Variants in ANKRD11 observed in about 807,000 individuals in gnomAD.
ANKRD11 encodes the protein ankyrin repeat domain-containing protein 11.
In ANKRD11, 17 loss-of-function variants were observed where a neutral mutation model predicts 195.7. The observed-to-expected ratio is 0.09, with a 90% confidence interval of 0.06 to 0.13. The LOEUF (loss-of-function observed/expected upper bound fraction) is 0.13. ANKRD11 is among the 10% of genes least tolerant of loss of function. The pLI, the probability that ANKRD11 is intolerant of heterozygous loss-of-function variation, is 1.00. For missense variants in ANKRD11, 3,735 were observed against 3,566.1 expected, an observed-to-expected ratio of 1.05 and a Z score of -1.21; for synonymous variants, 1,953 against 1,528.1, an observed-to-expected ratio of 1.28 and a Z score of -6.49.
Position 89,281,892 on chromosome 16 carries a change from G to A in ANKRD11, c.4650C>T (p.Asn1550=), listed in dbSNP as rs771198140. 12 of 1,613,606 alleles carry A rather than the reference G, an allele frequency of 7.4e-6. No individual in the cohort carries two copies. Among genetic ancestry groups the A allele is most frequent in the African/African-American group, 4.0e-5 (3 of 74,904 alleles). ...KEKGDPVKMS[N]GNDKVAPSKD... ...TGGATGGCGCTACCTTATCATTCCC[G>A]TTGCTCATCTTCACTGGGTCGCCCT... Residue 1550 remains asparagine, a synonymous_variant, in exon 9 of 13, where the codon AAC becomes AAT. Coordinates refer to ENST00000301030, the MANE Select transcript of ANKRD11 (RefSeq NM_013275.6). The surrounding 1 kb of genome is among the most constrained non-coding windows in gnomAD (Gnocchi z 5.5).
At chr16:89,296,677 G>A (rs185498404) in intron 4 of ANKRD11, among the ~76,000 whole-genome samples, 141 of 152,350 alleles carry the variant, frequency 9.3e-4, no homozygotes, top group Non-Finnish European at 1.8e-3. Flanking sequence ...GACCCTCTCA[G>A]AACAGCTTTC....
chr16:89,306,651 C>CT (rs2036272918), intron 3 of ANKRD11, among the ~76,000 whole-genome samples: 1 of 97,614 alleles, frequency 1.0e-5, no homozygotes, highest in African/African-American at 4.7e-5. Flanking sequence ...AGACACGCAC[C>CT]ACCTCCCACT....
intron 3 of ANKRD11, 50 bp downstream of exon 3, chr16:89,316,883 T>G (rs1037162887): frequency 3.8e-6 from 6 of 1,589,182 alleles, no homozygotes; most frequent in Non-Finnish European, 1.7e-6. Context: ...TCCCACCTCA[T>G]CCCCATCTGG....
At chr16:89,288,239 G>T (rs916396100) in intron 7 of ANKRD11, 6 of 615,398 alleles carry the variant, frequency 9.7e-6, no homozygotes, top group Non-Finnish European at 1.7e-5. Flanking sequence ...CCTTCCACTT[G>T]GTGTAATCCT....
chr16:89,463,070 C>A (rs1190035527), intron 1 of ANKRD11, among the ~76,000 whole-genome samples: 28 of 148,878 alleles, frequency 1.9e-4, no homozygotes, highest in Admixed American at 1.6e-3. Flanking sequence ...CCCCCCCGCC[C>A]GGCCAGCCGC....
chr16:89,295,525 C>A (rs551127622), intron 4 of ANKRD11, among the ~76,000 whole-genome samples: 1 of 152,384 alleles, frequency 6.6e-6, no homozygotes, highest in South Asian at 2.1e-4. Flanking sequence ...TGAGACCCCT[C>A]CATGAGCCCC....
chr16:89,408,481 C>T (rs1471360825), intron 2 of ANKRD11, among the ~76,000 whole-genome samples: 2 of 152,226 alleles, frequency 1.3e-5, no homozygotes, highest in Admixed American at 6.5e-5. Context: ...GGCAAGTGGC[C>T]GACCCAGATT....
At chr16:89,330,941 A>T (rs1038425968) in intron 2 of ANKRD11, among the ~76,000 whole-genome samples, 1 of 152,226 alleles carries the variant, frequency 6.6e-6, no homozygotes, top group Non-Finnish European at 1.5e-5. Context: ...ATTTTGAAAA[A>T]TATTATAAGC....
intron 3 of ANKRD11, among the ~76,000 whole-genome samples, chr16:89,311,580 T>C (rs771762323): frequency 1.3e-5 from 2 of 152,132 alleles, no homozygotes; most frequent in Non-Finnish European, 2.9e-5. Flanking sequence ...AAAAATTAAC[T>C]AGAAATGGAT....
intron 2 of ANKRD11, among the ~76,000 whole-genome samples, chr16:89,368,402 T>TTTTTA (rs1567708994): frequency 2.1e-5 from 2 of 94,764 alleles, no homozygotes; most frequent in African/African-American, 4.0e-5. Context: ...TTTTTTTTTT[T>TTTTTA]AGTAGAGATG....
intron 2 of ANKRD11, among the ~76,000 whole-genome samples, chr16:89,368,568 T>C (rs1396177762): frequency 2.0e-5 from 3 of 150,366 alleles, no homozygotes; most frequent in Non-Finnish European, 4.4e-5. Flanking sequence ...TTTAATTTCT[T>C]GCTCTAAGGG....
rs548572761 is a variant in ANKRD11 at position 89,355,621 on chromosome 16, C to T, written c.-59-38543G>A. On this transcript the variant is annotated intron_variant, in intron 2 of 12. Transcript: ENST00000301030. ...AAAATAGACTGAAATGTCACAGTATCGCCAGGATCAAAAGAAGGTCTCTTA... is the reference window on the plus strand; with the variant it reads ...AAAATAGACTGAAATGTCACAGTATTGCCAGGATCAAAAGAAGGTCTCTTA... Among the ~76,000 whole-genome samples the T allele has an allele frequency of 9.2e-5, 14 of 152,176 alleles. No homozygotes were observed. In the East Asian group the frequency reaches 2.7e-3, roughly 29 times the overall value.
chr16:89,329,406 AAG>A (rs895457436), intron 2 of ANKRD11, among the ~76,000 whole-genome samples: 7 of 152,228 alleles, frequency 4.6e-5, no homozygotes, highest in Admixed American at 4.6e-4. Context: ...AAGGAAAAAA[AAG>A]GGAGAAAAAA....
chr16:89,281,275 C>G lies in ANKRD11; in HGVS notation c.5267G>C (p.Cys1756Ser). Residue 1756 changes from cysteine (C) to serine (S), a missense_variant, in exon 9 of 13, where the codon TGC becomes TCC. Physicochemically the swap from Cys to Ser is moderately radical, Grantham distance 112. Transcript: ENST00000301030. This position sits in a 1 kb window ranked among gnomAD's most constrained non-coding sequence, Gnocchi z 5.5. ...TPVPTAPTSA[C>S]SPSFFDRFSV... ...GAACCTGTCGAAAAAGGAGGGGGAG[C>G]AGGCGCTGGTGGGAGCGGTGGGCAC... is the stretch of plus-strand genomic sequence containing the variant. The G allele has an allele frequency of 6.2e-7, 1 of 1,614,192 alleles. No individual in the cohort carries two copies. Among genetic ancestry groups the G allele is most frequent in the Non-Finnish European group, 8.5e-7 (1 of 1,180,032 alleles).
intron 2 of ANKRD11, among the ~76,000 whole-genome samples, chr16:89,369,647 G>T (rs11865298): frequency 1.3e-5 from 2 of 152,172 alleles, no homozygotes; most frequent in Non-Finnish European, 2.9e-5. Context: ...AACCAGGGGG[G>T]TCCTTGTGGT....
intron 1 of ANKRD11, among the ~76,000 whole-genome samples, chr16:89,476,667 TCTC>T (rs928484742): frequency 2.6e-5 from 4 of 152,148 alleles, no homozygotes; most frequent in East Asian, 1.9e-4. Context: ...AAAAAAGACT[TCTC>T]CTCCTTGGTC....
intron 1 of ANKRD11, among the ~76,000 whole-genome samples, chr16:89,422,944 T>G (rs1303672507): frequency 6.6e-6 from 1 of 152,232 alleles, no homozygotes; most frequent in Non-Finnish European, 1.5e-5. Context: ...GATCTACAAC[T>G]GCTTGCTAAC....
chr16:89,448,661 C>T (rs1254407772), intron 1 of ANKRD11, among the ~76,000 whole-genome samples: 1 of 152,158 alleles, frequency 6.6e-6, no homozygotes, highest in Non-Finnish European at 1.5e-5. Context: ...CATTTAATTG[C>T]ACAAATTTAA....
At chr16:89,322,248 C>A (rs769845616) in intron 2 of ANKRD11, among the ~76,000 whole-genome samples, 24 of 152,220 alleles carry the variant, frequency 1.6e-4, no homozygotes, top group Non-Finnish European at 3.4e-4. Flanking sequence ...TCTCCCTGAA[C>A]AGATGTGACA....
Sources: gnomAD v4.1 joint callset for allele counts (sites outside exome capture counted in the v4.1 genomes callset) on GRCh38, gnomAD v4.1.1 for gene constraint, Gnocchi (gnomAD v3.1) non-coding constraint, MANE v1.5 for transcripts, NCBI Gene and HGNC (gene_info 2026-07-23, HGNC 2026-07-21) for gene names.